The following ANK3 variants were observed in gnomAD, a reference collection of about 807,000 sequenced individuals.
The protein encoded by ANK3 is ankyrin 3.
ANK3 carries 57 observed loss-of-function variants against 370.9 expected under a neutral mutation model. The observed-to-expected ratio is 0.15, with a 90% CI of 0.12 to 0.19. The LOEUF is 0.19. ANK3 is among the 10% of genes least tolerant of loss of function. The probability of loss-of-function intolerance (pLI) is 1.00; values close to 1 mark genes in which losing one functional copy is unlikely to be tolerated. For synonymous variants in ANK3, 1,929 were observed against 1,946.3 expected, an observed-to-expected ratio of 0.99 and a Z score of 0.23; for missense variants, 4,439 against 5,302.1, an observed-to-expected ratio of 0.84 and a Z score of 5.06.
chr10:60,722,171 C>G (rs757687485), intron 1 of ANK3, among the ~76,000 whole-genome samples: 2 of 152,142 alleles, frequency 1.3e-5, no homozygotes. Context: ...CACCAAGACT[C>G]TGCAAAATGA....
chr10:60,578,504 AATG>A (rs972058333), intron 2 of ANK3, among the ~76,000 whole-genome samples: 36 of 152,322 alleles, frequency 2.4e-4, no homozygotes, highest in African/African-American at 8.2e-4. Flanking sequence ...ATTTTAAAAG[AATG>A]ATGATGATAG....
At chr10:60,630,816 T>C (rs2078472141) in intron 1 of ANK3, among the ~76,000 whole-genome samples, 1 of 152,098 alleles carries the variant, frequency 6.6e-6, no homozygotes, top group African/African-American at 2.4e-5. Flanking sequence ...GAGAGAAAGC[T>C]AAAGCTGGAC....
intron 26 of ANK3, 91 bp downstream of exon 26, chr10:60,114,134 A>G (rs996455807): frequency 8.7e-6 from 5 of 571,964 alleles, no homozygotes; most frequent in African/African-American, 3.8e-5. Context: ...ATTCATATAT[A>G]TGAAGCTTGT....
intron 28 of ANK3, among the ~76,000 whole-genome samples, chr10:60,101,472 C>T (rs6479692): frequency 0.31 from 47,340 of 151,908 alleles, 7,741 homozygotes; most frequent in Non-Finnish European, 0.36. Flanking sequence ...TAATTCAGTT[C>T]GCTGCGTTAT....
intron 1 of ANK3, among the ~76,000 whole-genome samples, chr10:60,354,822 C>T (rs1381484446): frequency 8.5e-5 from 13 of 152,120 alleles, no homozygotes; most frequent in Non-Finnish European, 5.9e-5. Flanking sequence ...TTATAATACA[C>T]GTTTATCTTA....
At chr10:60,683,082 T>A (rs1373019917) in intron 1 of ANK3, among the ~76,000 whole-genome samples, 1 of 151,978 alleles carries the variant, frequency 6.6e-6, no homozygotes, top group African/African-American at 2.4e-5. Flanking sequence ...CACCAGCTGG[T>A]GTCCAGGCTT....
chr10:60,458,052 T>C (rs1472572525), intron 2 of ANK3, among the ~76,000 whole-genome samples: 1 of 152,080 alleles, frequency 6.6e-6, no homozygotes, highest in Non-Finnish European at 1.5e-5. Flanking sequence ...GGGGTAAGGA[T>C]GGAAAGTGCC....
intron 2 of ANK3, among the ~76,000 whole-genome samples, chr10:60,445,158 C>T (rs2064410127): frequency 6.6e-6 from 1 of 152,112 alleles, no homozygotes; most frequent in Admixed American, 6.6e-5. Context: ...GGTACAGTGG[C>T]TCACGCCTAT....
chr10:60,261,817 T>C (rs1230958466), intron 7 of ANK3, 42 bp downstream of exon 7: 5 of 1,552,068 alleles, frequency 3.2e-6, no homozygotes, highest in South Asian at 2.2e-5. Flanking sequence ...TATAAAATAG[T>C]TGCAAATGCT....
At chr10:60,690,625 C>T (rs1291922633) in intron 1 of ANK3, among the ~76,000 whole-genome samples, 2 of 152,072 alleles carry the variant, frequency 1.3e-5, no homozygotes, top group Non-Finnish European at 2.9e-5. Context: ...GCTGGTGCTT[C>T]AGCATTTTTA....
At chr10:60,287,330 T>G (rs898332) in intron 1 of ANK3, among the ~76,000 whole-genome samples, 2,927 of 152,282 alleles carry the variant, frequency 0.019, 36 homozygotes, top group South Asian at 0.032. Context: ...GGTCACTTTC[T>G]TTTTCCTCAT....
At chr10:60,050,764 C>A (rs1224673321) in intron 42 of ANK3, 1 of 151,876 alleles carries the variant, frequency 6.6e-6, no homozygotes, top group Non-Finnish European at 1.5e-5. Context: ...GAAGGAAAGA[C>A]AGAATATTTA....
chr10:60,617,998 A>G (rs1219114131), intron 1 of ANK3, among the ~76,000 whole-genome samples: 1 of 152,170 alleles, frequency 6.6e-6, no homozygotes, highest in Non-Finnish European at 1.5e-5. Context: ...TATGGGCTTA[A>G]GACAGGTAGT....
chr10:60,523,495 G>GT (rs1188798829), intron 2 of ANK3, among the ~76,000 whole-genome samples: 1 of 148,726 alleles, frequency 6.7e-6, no homozygotes, highest in Non-Finnish European at 1.5e-5. Context: ...GCGGTGTTTG[G>GT]TTTTTTTGTC....
Position 60,273,128 on chromosome 10 carries a change from G to A in ANK3, c.415-2899C>T, listed in dbSNP as rs372948927. Reference sequence around the variant, plus strand: ...CTACATGCCCTGTTTTATGATGACAGAAACTGAGATGCACAGAATTAGGAC... The same window carrying A: ...CTACATGCCCTGTTTTATGATGACAAAAACTGAGATGCACAGAATTAGGAC... On this transcript the variant is annotated intron_variant, in intron 4 of 43. Coordinates refer to ENST00000280772, the MANE Select transcript of ANK3 (RefSeq NM_020987.5). Among the ~76,000 whole-genome samples, 10 of 152,312 alleles carry A rather than the reference G, an allele frequency of 6.6e-5. No individual in the cohort carries two copies. The East Asian group carries it at 1.2e-3, about 18-fold the overall frequency.
At chr10:60,390,333 T>C (rs2062987468), upstream of ANK3, among the ~76,000 whole-genome samples, 1 of 152,056 alleles carries the variant, frequency 6.6e-6, no homozygotes. Context: ...CGTGAGCATA[T>C]TGGTGTATGG....
At chr10:60,601,825 C>T (rs1174238371) in intron 2 of ANK3, among the ~76,000 whole-genome samples, 1 of 152,118 alleles carries the variant, frequency 6.6e-6, no homozygotes, top group Non-Finnish European at 1.5e-5. Flanking sequence ...AGACTCTGTA[C>T]TGCTTTTACA....
At chr10:60,613,190 A>G (rs1485395275) in intron 2 of ANK3, among the ~76,000 whole-genome samples, 1 of 152,220 alleles carries the variant, frequency 6.6e-6, no homozygotes, top group Non-Finnish European at 1.5e-5. Context: ...ACTTTACTAG[A>G]TATAAATTTC....
intron 10 of ANK3, among the ~76,000 whole-genome samples, chr10:60,206,682 G>C (rs959486695): frequency 3.3e-5 from 5 of 152,096 alleles, no homozygotes; most frequent in Non-Finnish European, 7.3e-5. Context: ...TTTACTCCAA[G>C]CATGCAGAAA....
Sources: allele counts gnomAD v4.1 joint callset (sites outside exome capture counted in the v4.1 genomes callset), GRCh38; gene constraint gnomAD v4.1.1; transcripts MANE v1.5; gene names NCBI Gene and HGNC (gene_info 2026-07-23, HGNC 2026-07-21).